PALM2AKAP2: variants seen among roughly 807,000 people sequenced by gnomAD.
PALM2AKAP2 encodes the protein PALM2 and AKAP2 fusion.
Under a neutral mutation model 71.5 loss-of-function variants are expected in PALM2AKAP2, and 37 were observed. That is an observed-to-expected ratio of 0.52 (90% CI 0.40 to 0.68). PALM2AKAP2 has a LOEUF of 0.68. Ranked by LOEUF, PALM2AKAP2 falls within the 30% of genes least tolerant of loss-of-function variation. PALM2AKAP2 has a pLI of 0.00. For missense variants in PALM2AKAP2, 1,224 were observed against 1,191.8 expected (o/e 1.03, Z -0.40); for synonymous variants, 468 against 478.8 (o/e 0.98, Z 0.29).
At chr9:110,073,989 C>A (rs1239994751) in intron 1 of PALM2AKAP2, among the ~76,000 whole-genome samples, 1 of 152,056 alleles carries the variant, frequency 6.6e-6, no homozygotes, top group African/African-American at 2.4e-5. Flanking sequence ...CAGATACCAC[C>A]CTAATCAAAT....
At chr9:110,165,244 GTA>G (rs1317749870) in intron 3 of PALM2AKAP2, among the ~76,000 whole-genome samples, 24 of 150,246 alleles carry the variant, frequency 1.6e-4, no homozygotes, top group Middle Eastern at 3.4e-3. Context: ...TTAATATGCA[GTA>G]ATAAACAAGT....
At chr9:109,649,914 C>T (rs1000458428) in intron 1 of PALM2AKAP2, among the ~76,000 whole-genome samples, 4 of 152,168 alleles carry the variant, frequency 2.6e-5, no homozygotes, top group East Asian at 1.9e-4. Context: ...GTGTGAGTTG[C>T]GGGAGGGTAG....
chr9:109,749,733 T>C (rs757166983), intron 1 of PALM2AKAP2, among the ~76,000 whole-genome samples: 1 of 152,162 alleles, frequency 6.6e-6, no homozygotes, highest in South Asian at 2.1e-4. Flanking sequence ...TTGACAGACA[T>C]TTGCCACAAG....
intron 7 of PALM2AKAP2, chr9:110,024,839 A>G: frequency 1.4e-6 from 1 of 707,064 alleles, no homozygotes. Context: ...TTTTTTTTTA[A>G]CAGCCCAGAG....
intron 1 of PALM2AKAP2, among the ~76,000 whole-genome samples, chr9:109,791,169 C>G (rs1279252075): frequency 2.0e-5 from 3 of 152,192 alleles, no homozygotes; most frequent in Admixed American, 6.5e-5. Flanking sequence ...CACTAGTAGC[C>G]TGTTTACTCC....
Position 110,155,114 on chromosome 9 carries a change from A to G in PALM2AKAP2, c.2570-1205A>G, listed in dbSNP as rs533223696. Among the ~76,000 whole-genome samples, 5 of 152,354 alleles carry G rather than the reference A, an allele frequency of 3.3e-5. No homozygotes were observed. In the East Asian group the frequency reaches 9.7e-4, roughly 29 times the overall value. On this transcript the variant is annotated intron_variant, in intron 2 of 3. Coordinates refer to ENST00000374525, the Ensembl canonical transcript of PALM2AKAP2. Reference sequence around the variant, plus strand: ...GTGCCAGTAAAGGGCTAAGCAGCCCATATGGAAATGTGGACACCAGGCTTC... The same window carrying G: ...GTGCCAGTAAAGGGCTAAGCAGCCCGTATGGAAATGTGGACACCAGGCTTC...
At position 109,810,983 on chromosome 9, in the gene PALM2AKAP2, T is replaced by C. The variant is rs966880504; in HGVS notation, c.45+30450T>C. Among the ~76,000 whole-genome samples, 7 of 152,206 alleles carry C rather than the reference T, an allele frequency of 4.6e-5. No individual in the cohort carries two copies. In the South Asian group the frequency reaches 1.5e-3, roughly 32 times the overall value. ...TGAAATGGGAAGCAAGGTCATCAGC[T>C]GGCAGGGAGGAAGGGGGAAGAGGTG... On this transcript the variant is annotated intron_variant, in intron 1 of 9. Coordinates refer to the PALM2AKAP2 transcript ENST00000302798.
intron 1 of PALM2AKAP2, among the ~76,000 whole-genome samples, chr9:109,835,971 A>G (rs1338975365): frequency 2.0e-5 from 3 of 152,216 alleles, no homozygotes; most frequent in Non-Finnish European, 4.4e-5. Context: ...TAGCTGAACA[A>G]AAGGCAGCAG....
At chr9:109,953,959 G>A (rs1228921054) in intron 6 of PALM2AKAP2, among the ~76,000 whole-genome samples, 1 of 151,746 alleles carries the variant, frequency 6.6e-6, no homozygotes, top group Non-Finnish European at 1.5e-5. Flanking sequence ...TTCTTATTTT[G>A]CACCTTTACC....
chr9:110,067,873 T>G (rs1834116289), intron 1 of PALM2AKAP2, among the ~76,000 whole-genome samples: 1 of 152,244 alleles, frequency 6.6e-6, no homozygotes, highest in African/African-American at 2.4e-5. Context: ...TTAAAATTTA[T>G]TTTTATATTT....
At chr9:109,922,062 C>A (rs1193094819) in intron 3 of PALM2AKAP2, among the ~76,000 whole-genome samples, 1 of 151,868 alleles carries the variant, frequency 6.6e-6, no homozygotes, top group Non-Finnish European at 1.5e-5. Flanking sequence ...TTCAGAAAAC[C>A]CCACTCTGAA....
At chr9:109,665,315 T>A (rs1827465286) in intron 1 of PALM2AKAP2, among the ~76,000 whole-genome samples, 1 of 152,202 alleles carries the variant, frequency 6.6e-6, no homozygotes, top group South Asian at 2.1e-4. Flanking sequence ...CTACCCATCT[T>A]GTTGGTTTTA....
chr9:109,685,483 T>G (rs1827794739), intron 1 of PALM2AKAP2, among the ~76,000 whole-genome samples: 1 of 152,146 alleles, frequency 6.6e-6, no homozygotes, highest in Non-Finnish European at 1.5e-5. Context: ...AAATTTATGT[T>G]TACACTATAC....
chr9:109,657,106 C>T (rs939106374), intron 1 of PALM2AKAP2, among the ~76,000 whole-genome samples: 2 of 152,192 alleles, frequency 1.3e-5, no homozygotes, highest in Non-Finnish European at 2.9e-5. Context: ...GTCAGTGTAT[C>T]ATATTAAAGG....
intron 2 of PALM2AKAP2, among the ~76,000 whole-genome samples, chr9:110,140,579 A>C (rs1383111479): frequency 6.6e-6 from 1 of 152,230 alleles, no homozygotes; most frequent in East Asian, 1.9e-4. Context: ...CTTATTTAAT[A>C]AAAAGTTCAT....
chr9:109,834,152 G>T (rs1179847913), intron 1 of PALM2AKAP2, among the ~76,000 whole-genome samples: 4 of 152,238 alleles, frequency 2.6e-5, no homozygotes, highest in Non-Finnish European at 5.9e-5. Context: ...GGTGGATGTT[G>T]CAGTGAGCCA....
intron 7 of PALM2AKAP2, among the ~76,000 whole-genome samples, chr9:110,032,939 T>C (rs1449140797): frequency 6.6e-6 from 1 of 151,728 alleles, no homozygotes; most frequent in African/African-American, 2.4e-5. Flanking sequence ...CTATTTCTAT[T>C]ATAAATAAAT....
At chr9:109,751,780 C>T (rs1828889567) in intron 1 of PALM2AKAP2, among the ~76,000 whole-genome samples, 1 of 152,128 alleles carries the variant, frequency 6.6e-6, no homozygotes, top group Non-Finnish European at 1.5e-5. Context: ...TATTTCTAAG[C>T]TGAGCTGAAT....
At chr9:110,150,537 A>C (rs1446678498) in intron 2 of PALM2AKAP2, among the ~76,000 whole-genome samples, 1 of 152,018 alleles carries the variant, frequency 6.6e-6, no homozygotes, top group African/African-American at 2.4e-5. Flanking sequence ...ATCAGACCCA[A>C]CTGGATATTT....
Sources: gnomAD v4.1 joint callset for allele counts (sites outside exome capture counted in the v4.1 genomes callset) on GRCh38, gnomAD v4.1.1 for gene constraint, MANE v1.5 for transcripts, NCBI Gene and HGNC (gene_info 2026-07-23, HGNC 2026-07-21) for gene names.